NRG1: variants seen among roughly 807,000 people sequenced by gnomAD.
The protein encoded by NRG1 is neuregulin 1, also known as pro-neuregulin-1, membrane-bound isoform.
Under a neutral mutation model 63.8 loss-of-function variants are expected in NRG1, and 18 were observed. The ratio of observed to expected loss-of-function variants is 0.28; its 90% CI spans 0.19 to 0.42. The LOEUF (loss-of-function observed/expected upper bound fraction) is 0.42. NRG1 is among the 10% of genes least tolerant of loss of function. The pLI is 1.00. For synonymous variants in NRG1, 302 were observed against 301.3 expected, an observed-to-expected ratio of 1.00 and a Z score of -0.02; for missense variants, 762 against 814.7, an observed-to-expected ratio of 0.94 and a Z score of 0.79.
chr8:31,958,289 G>C (rs553433320), intron 1 of NRG1, among the ~76,000 whole-genome samples: 38 of 152,134 alleles, frequency 2.5e-4, no homozygotes, highest in African/African-American at 8.7e-4. Flanking sequence ...AATAAGAATA[G>C]AATATAGGAA....
At chr8:31,673,998 A>G (rs921891070) in intron 1 of NRG1, among the ~76,000 whole-genome samples, 1 of 152,106 alleles carries the variant, frequency 6.6e-6, no homozygotes, top group African/African-American at 2.4e-5. Flanking sequence ...TCTTATCTCT[A>G]TAGATTTACC....
chr8:32,023,084 C>G (rs1816710854), intron 1 of NRG1, among the ~76,000 whole-genome samples: 1 of 152,160 alleles, frequency 6.6e-6, no homozygotes, highest in Non-Finnish European at 1.5e-5. Flanking sequence ...AATTCATAAT[C>G]ATGTATATCA....
At chr8:32,651,464 C>T (rs1855109215) in intron 5 of NRG1, among the ~76,000 whole-genome samples, 2 of 152,100 alleles carry the variant, frequency 1.3e-5, no homozygotes, top group African/African-American at 4.8e-5. Context: ...CCTACCCTGA[C>T]TGTTGGGAGA....
chr8:32,338,102 A>T (rs1803564255), intron 1 of NRG1, among the ~76,000 whole-genome samples: 1 of 152,238 alleles, frequency 6.6e-6, no homozygotes, highest in Non-Finnish European at 1.5e-5. Flanking sequence ...AGATAAGCAT[A>T]ATACATCATT....
chr8:32,036,708 C>T (rs955379155), intron 1 of NRG1, among the ~76,000 whole-genome samples: 2 of 151,960 alleles, frequency 1.3e-5, no homozygotes, highest in African/African-American at 4.8e-5. Flanking sequence ...TCCTTTTTTT[C>T]CACTTGGTCT....
intron 1 of NRG1, among the ~76,000 whole-genome samples, chr8:32,183,695 G>C (rs1440985661): frequency 6.6e-6 from 1 of 152,148 alleles, no homozygotes; most frequent in Non-Finnish European, 1.5e-5. Context: ...TAGAGTCCTG[G>C]AGTAGACTTA....
chr8:32,472,287 A>G (rs1823945648), intron 1 of NRG1, among the ~76,000 whole-genome samples: 1 of 152,134 alleles, frequency 6.6e-6, no homozygotes, highest in African/African-American at 2.4e-5. Context: ...CTCCAGCCTC[A>G]GCCTCCTGAT....
intron 1 of NRG1, among the ~76,000 whole-genome samples, chr8:31,675,705 A>G (rs991778968): frequency 1.3e-5 from 2 of 152,220 alleles, no homozygotes. Context: ...ACAGTGTATT[A>G]TTCCTAAATG....
intron 1 of NRG1, among the ~76,000 whole-genome samples, chr8:32,006,873 C>T (rs933367981): frequency 6.6e-6 from 1 of 151,992 alleles, no homozygotes; most frequent in Non-Finnish European, 1.5e-5. Context: ...GACTTCTGAC[C>T]CACAGAACTG....
intron 1 of NRG1, among the ~76,000 whole-genome samples, chr8:32,333,248 C>G (rs995699986): frequency 2.0e-5 from 3 of 152,146 alleles, no homozygotes; most frequent in Non-Finnish European, 2.9e-5. Flanking sequence ...CTTAAATGTA[C>G]TCTTTTAGAT....
intron 1 of NRG1, among the ~76,000 whole-genome samples, chr8:32,578,554 T>A (rs1200371260): frequency 6.3e-5 from 9 of 143,812 alleles, no homozygotes; most frequent in Non-Finnish European, 1.2e-4. Context: ...ATCACAGAGG[T>A]CCACTGCATT....
chr8:32,506,598 A>G (rs953679245), intron 1 of NRG1, among the ~76,000 whole-genome samples: 65 of 152,218 alleles, frequency 4.3e-4, no homozygotes, highest in Non-Finnish European at 9.6e-4. Context: ...CGCAATACCC[A>G]AAGAATTATT....
chr8:31,894,179 G>C (rs1349779179), intron 1 of NRG1, among the ~76,000 whole-genome samples: 1 of 152,134 alleles, frequency 6.6e-6, no homozygotes, highest in Non-Finnish European at 1.5e-5. Flanking sequence ...AGGCTTGAAG[G>C]CAGTATACAA....
chr8:32,639,659 A>C (rs1386010227), intron 5 of NRG1, among the ~76,000 whole-genome samples: 1 of 152,176 alleles, frequency 6.6e-6, no homozygotes, highest in Admixed American at 6.5e-5. Context: ...AGATTTAAAA[A>C]TCAAATTAAC....
intron 1 of NRG1, among the ~76,000 whole-genome samples, chr8:32,368,158 A>G (rs1274103921): frequency 6.6e-6 from 1 of 152,222 alleles, no homozygotes. Context: ...TTTTTAAAAA[A>G]TACTTCCAAA....
chr8:31,801,920 C>T (rs749950810), intron 1 of NRG1, among the ~76,000 whole-genome samples: 17 of 152,192 alleles, frequency 1.1e-4, no homozygotes, highest in Non-Finnish European at 1.9e-4. Flanking sequence ...AGGGAGTCTA[C>T]AAACTCTGCT....
intron 1 of NRG1, among the ~76,000 whole-genome samples, chr8:32,295,313 T>C (rs982758549): frequency 6.6e-6 from 1 of 152,120 alleles, no homozygotes; most frequent in African/African-American, 2.4e-5. Flanking sequence ...GGATCTGAAG[T>C]TTGCTCCATT....
At chr8:31,968,649 T>C (rs1313914759) in intron 1 of NRG1, among the ~76,000 whole-genome samples, 2 of 152,168 alleles carry the variant, frequency 1.3e-5, no homozygotes, top group Admixed American at 6.5e-5. Flanking sequence ...TCTCTGAACC[T>C]GCAGGCATCA....
intron 5 of NRG1, among the ~76,000 whole-genome samples, chr8:32,627,021 AAAAAAT>A (rs202204508): frequency 0.027 from 4,163 of 151,878 alleles, 201 homozygotes; most frequent in African/African-American, 0.095. Context: ...CTCTATCTCA[AAAAAAT>A]AAAAATAAAA....
Sources: allele counts gnomAD v4.1 joint callset (sites outside exome capture counted in the v4.1 genomes callset), GRCh38; gene constraint gnomAD v4.1.1; transcripts MANE v1.5; gene names NCBI Gene and HGNC (gene_info 2026-07-23, HGNC 2026-07-21).